SGSM3: variants seen among roughly 807,000 people sequenced by gnomAD.
SGSM3 encodes RUN and SH3 containing 3.
SGSM3 carries 96 observed loss-of-function variants against 100.5 expected under a neutral mutation model. The ratio of observed to expected loss-of-function variants is 0.96; its 90% CI spans 0.81 to 1.13. SGSM3 has a LOEUF of 1.13. SGSM3 is among the 50% of genes most tolerant of loss of function. SGSM3 has a pLI of 0.00. For missense variants in SGSM3, 1,001 were observed against 1,015.8 expected, an observed-to-expected ratio of 0.99 and a Z score of 0.20; for synonymous variants, 483 against 422.8, an observed-to-expected ratio of 1.14 and a Z score of -1.75.
intron 1 of SGSM3, among the ~76,000 whole-genome samples, chr22:40,382,205 T>C (rs2047682505): frequency 6.6e-6 from 1 of 152,210 alleles, no homozygotes; most frequent in Admixed American, 6.5e-5. Context: ...AAATTTAAAA[T>C]GGCATTATGT....
At chr22:40,397,203 A>G (rs747699266) in intron 1 of SGSM3, among the ~76,000 whole-genome samples, 4 of 152,232 alleles carry the variant, frequency 2.6e-5, no homozygotes, top group African/African-American at 4.8e-5. Context: ...GCGTGTTTAT[A>G]TATACTTATA....
chr22:40,371,435 G>A (rs1003210943), intron 1 of SGSM3, among the ~76,000 whole-genome samples: 1 of 152,052 alleles, frequency 6.6e-6, no homozygotes, highest in Non-Finnish European at 1.5e-5. Flanking sequence ...GAGATGTCCT[G>A]GAATGTTCTA....
chr22:40,409,226 C>T lies in SGSM3; in HGVS notation c.1989-24C>T, dbSNP rs199535418. On this transcript the variant is annotated intron_variant, in intron 19 of 21. Coordinates refer to ENST00000248929, the MANE Select transcript of SGSM3 (RefSeq NM_015705.6). ...AGAAGGGCCTGGAGCTGCCCCTGCT[C>T]CCCACTCCTGGCCATGTCCCCAGTG... is the stretch of plus-strand genomic sequence containing the variant. 4.4e-6 allele frequency: 7 copies of T among 1,582,864 alleles called. No homozygotes were observed. In the Admixed American group the frequency reaches 1.0e-4, roughly 24 times the overall value.
In SGSM3 at chr22:40,392,739, G is replaced by A. The variant is rs371857435; in HGVS notation, c.-111-7957G>A. Among the ~76,000 whole-genome samples, 157 of 152,116 alleles carry A rather than the reference G, an allele frequency of 1.0e-3. 1 individual carries two copies. Among genetic ancestry groups the A allele is most frequent in the East Asian group, 3.9e-3 (20 of 5,182 alleles). The stretch of plus-strand genomic sequence containing the variant: ...AAAGTGTATAATTTACCAGTTTTTC[G>A]TACATTCACTATGTTGTGCAACCAT... On this transcript the variant is annotated intron_variant, in intron 1 of 21. Transcript: ENST00000248929.
chr22:40,394,132 C>T (rs1292301357), intron 1 of SGSM3, among the ~76,000 whole-genome samples: 1 of 152,208 alleles, frequency 6.6e-6, no homozygotes, highest in African/African-American at 2.4e-5. Context: ...ACATCTAGTT[C>T]TGCGCTATGC....
In SGSM3 at chr22:40,406,602, C is replaced by A; in HGVS notation, c.1125C>A (p.Ala375=). ...AGACTCAGCGCCGCAAGCACCTGGC[C>A]TATCTCATTGCAGACCAGGGCCAGC... ...AVETQRRKHL[A]YLIADQGQLL... Residue 375 remains alanine, a synonymous_variant, in exon 10 of 22, where the codon GCC becomes GCA. Coordinates refer to ENST00000248929, the MANE Select transcript of SGSM3 (RefSeq NM_015705.6). 1 of 1,612,460 alleles carries A rather than the reference C, an allele frequency of 6.2e-7. No individual in the cohort carries two copies. The highest frequency in any genetic ancestry group is 8.5e-7 in the Non-Finnish European group (1 of 1,179,372).
intron 18 of SGSM3, 28 bp downstream of exon 18, chr22:40,408,870 A>AGAG: frequency 6.2e-7 from 1 of 1,613,826 alleles, no homozygotes; most frequent in East Asian, 2.2e-5. Flanking sequence ...GCCAGACCCT[A>AGAG]GAGACCTCTC....
At chr22:40,409,084 G>T (rs2052158209) in intron 19 of SGSM3, 66 bp downstream of exon 19, 3 of 1,550,770 alleles carry the variant, frequency 1.9e-6, no homozygotes, top group African/African-American at 1.4e-5. Flanking sequence ...CATCAGGGGG[G>T]GTCCTTACAG....
chr22:40,386,507 T>C (rs1194777910), intron 1 of SGSM3, among the ~76,000 whole-genome samples: 2 of 151,712 alleles, frequency 1.3e-5, no homozygotes, highest in East Asian at 3.9e-4. Flanking sequence ...CAGAGACTTC[T>C]GGTCTGGCTA....
chr22:40,400,911 A>C, intron 2 of SGSM3, 98 bp downstream of exon 2: 1 of 1,202,618 alleles, frequency 8.3e-7, no homozygotes, highest in East Asian at 2.8e-5. Context: ...CACCATCCAG[A>C]TAAGAGAGGT....
At chr22:40,408,755 C>G in intron 17 of SGSM3, 39 bp from the exon 18 acceptor site, 2 of 1,613,852 alleles carry the variant, frequency 1.2e-6, no homozygotes, top group South Asian at 1.1e-5. Flanking sequence ...CGGGGCCTGA[C>G]CCAGCCCCGG....
intron 3 of SGSM3, among the ~76,000 whole-genome samples, chr22:40,401,921 C>G (rs532523239): frequency 2.6e-5 from 4 of 152,188 alleles, no homozygotes; most frequent in Non-Finnish European, 5.9e-5. Flanking sequence ...TCTTTGACCT[C>G]TGAGAAGAAC....
chr22:40,407,880 A>AG lies in SGSM3; in HGVS notation c.1579+39dup. 1.4e-6 allele frequency: 2 copies of AG among 1,457,162 alleles called. No individual in the cohort carries two copies. The highest frequency in any genetic ancestry group is 1.9e-6 in the Non-Finnish European group (2 of 1,046,308). The allele number at this position is 1,457,162 out of a possible 1,614,324, so 90.3% of individuals were successfully genotyped here. On this transcript the variant is annotated intron_variant, in intron 14 of 21. Coordinates refer to ENST00000248929, the MANE Select transcript of SGSM3 (RefSeq NM_015705.6). This position sits in a 1 kb window ranked among gnomAD's most constrained non-coding sequence, Gnocchi z 4.7. ...GGTCTGCTCTTGAGCTGGGAGAGGG[A>AG]GGAGGGGGTGGGCACAGAAGACTTG...
chr22:40,396,592 CAAA>C (rs778373023), intron 1 of SGSM3, among the ~76,000 whole-genome samples: 3 of 44,444 alleles, frequency 6.8e-5, no homozygotes, highest in Non-Finnish European at 9.9e-5. Context: ...GACTCTGTCT[CAAA>C]AAAAAAAAAA....
chr22:40,382,747 T>C (rs925148992), intron 1 of SGSM3, among the ~76,000 whole-genome samples: 1 of 152,210 alleles, frequency 6.6e-6, no homozygotes, highest in Non-Finnish European at 1.5e-5. Context: ...TACGTTATAT[T>C]GTGTTAGCCC....
chr22:40,396,410 G>A (rs902616596), intron 1 of SGSM3, among the ~76,000 whole-genome samples: 1 of 151,866 alleles, frequency 6.6e-6, no homozygotes, highest in Non-Finnish European at 1.5e-5. Context: ...TGGCCAACAC[G>A]GCGAAACCCC....
chr22:40,398,869 T>C (rs2050377422), intron 1 of SGSM3, among the ~76,000 whole-genome samples: 1 of 141,052 alleles, frequency 7.1e-6, no homozygotes, highest in Non-Finnish European at 1.5e-5. Context: ...TATTATTCCA[T>C]TCTATCGAAA....
chr22:40,396,125 C>G (rs1031568016), intron 1 of SGSM3, among the ~76,000 whole-genome samples: 1 of 152,146 alleles, frequency 6.6e-6, no homozygotes, highest in Non-Finnish European at 1.5e-5. Flanking sequence ...TGATTTTACC[C>G]CTTTTTAGCA....
At chr22:40,371,926 T>C (rs1194919746) in intron 1 of SGSM3, among the ~76,000 whole-genome samples, 2 of 152,058 alleles carry the variant, frequency 1.3e-5, no homozygotes, top group Non-Finnish European at 2.9e-5. Flanking sequence ...CTCGAACTCC[T>C]GACCACAGGT....
Sources: allele counts gnomAD v4.1 joint callset (sites outside exome capture counted in the v4.1 genomes callset), GRCh38; gene constraint gnomAD v4.1.1; non-coding constraint Gnocchi (gnomAD v3.1); transcripts MANE v1.5; gene names NCBI Gene and HGNC (gene_info 2026-07-23, HGNC 2026-07-21).